The following SLX4 variants were observed in gnomAD, a reference collection of about 807,000 sequenced individuals.
SLX4 encodes the protein SLX4 structure-specific endonuclease subunit, also known as structure-specific endonuclease subunit SLX4.
Under a neutral mutation model 146.2 loss-of-function variants are expected in SLX4, and 112 were observed. That is an observed-to-expected ratio of 0.77 (90% confidence interval 0.66 to 0.90). SLX4 has a LOEUF of 0.90. Among genes scored for constraint, SLX4 ranks in the 40% least tolerant of loss-of-function variants. SLX4 has a pLI of 0.00. For synonymous variants in SLX4, 1,061 were observed against 997.7 expected (o/e 1.06, Z -1.20); for missense variants, 2,563 against 2,392.7 (o/e 1.07, Z -1.49).
intron 3 of SLX4, 117 bp from the exon 4 acceptor site, chr16:3,602,424 G>C: frequency 8.3e-7 from 1 of 1,208,176 alleles, no homozygotes; most frequent in East Asian, 2.3e-5. Context: ...AAAGAAACCA[G>C]AACCCAGCTC....
intron 5 of SLX4, 76 bp downstream of exon 5, chr16:3,600,903 A>G (rs1265424604): frequency 6.6e-7 from 1 of 1,524,388 alleles, no homozygotes; most frequent in Non-Finnish European, 9.0e-7. Flanking sequence ...GCCCATAAAA[A>G]GCTTTTTTAA....
intron 4 of SLX4, 46 bp downstream of exon 4, chr16:3,602,072 T>C (rs1170523152): frequency 6.2e-7 from 1 of 1,612,968 alleles, no homozygotes; most frequent in South Asian, 1.1e-5. Context: ...TGCTTGGGGA[T>C]TCTGGTCACA....
rs1202346259 is a variant in SLX4 at position 3,583,373 on chromosome 16, C to T, written c.4877G>A (p.Cys1626Tyr). The T allele has an allele frequency of 1.2e-6, 2 of 1,613,102 alleles. No homozygotes were observed. The highest frequency in any genetic ancestry group is 2.2e-5 in the South Asian group (2 of 91,058). ...GTAGGTCTGGGAGGCGAGGGTCTGGCAGTGAGGCGCCTGCAACAGCGGCTG... is the reference window on the plus strand; with the variant it reads ...GTAGGTCTGGGAGGCGAGGGTCTGGTAGTGAGGCGCCTGCAACAGCGGCTG... The part of the protein sequence containing the change: ...SSQPLLQAPH[C>Y]QTLASQTYKP... The change falls in exon 14 of 15, where the codon TGC becomes TAC. Residue 1626 changes from cysteine (C) to tyrosine (Y), a missense_variant. Coordinates refer to ENST00000294008, the MANE Select transcript of SLX4 (RefSeq NM_032444.4).
At position 3,590,333 on chromosome 16, in the gene SLX4, T is replaced by C; in HGVS notation, c.3305A>G (p.Glu1102Gly). Residue 1102 changes from glutamate (E) to glycine (G), a missense_variant, in exon 12 of 15, where the codon GAG (glutamate) becomes GGG (glycine). Transcript: ENST00000294008. This position sits in a 1 kb window ranked among gnomAD's most constrained non-coding sequence, Gnocchi z 4.8. ...SKEPGHQKGK[E>G]RRSVLECRNK... ...TCTGCACTCCAGCACGGACCGACGC[T>C]CTTTGCCTTTCTGGTGCCCTGGCTC... 1 of 1,614,194 alleles carries C rather than the reference T, an allele frequency of 6.2e-7. No homozygotes were observed. Among genetic ancestry groups the C allele is most frequent in the Non-Finnish European group, 8.5e-7 (1 of 1,180,032 alleles).
intron 12 of SLX4, 129 bp from the exon 13 acceptor site, chr16:3,585,000 G>A: frequency 1.3e-6 from 1 of 766,456 alleles, no homozygotes; most frequent in Non-Finnish European, 2.3e-6. Context: ...CTCCATGAAA[G>A]CAACAGTGGT....
At chr16:3,596,127 C>T in intron 8 of SLX4, 26 bp downstream of exon 8, 3 of 1,544,162 alleles carry the variant, frequency 1.9e-6, no homozygotes, top group Non-Finnish European at 1.7e-6. Flanking sequence ...GCAGGGCTGG[C>T]CCTAGAGTCC....
intron 3 of SLX4, among the ~76,000 whole-genome samples, chr16:3,606,133 G>A (rs1359104900): frequency 6.6e-6 from 1 of 150,952 alleles, no homozygotes; most frequent in African/African-American, 2.4e-5. Flanking sequence ...GGTGGCACAC[G>A]TCTGTAATCC....
chr16:3,588,025 G>T (rs1343364237), intron 12 of SLX4, among the ~76,000 whole-genome samples: 1 of 152,200 alleles, frequency 6.6e-6, no homozygotes, highest in Non-Finnish European at 1.5e-5. Context: ...CACCTGGGAG[G>T]ACCAGGAAGA....
intron 12 of SLX4, among the ~76,000 whole-genome samples, chr16:3,587,219 G>C (rs1052635596): frequency 8.5e-5 from 13 of 152,170 alleles, no homozygotes; most frequent in Non-Finnish European, 8.8e-5. Flanking sequence ...ATAATAGGCT[G>C]GGCGAGGTGG....
chr16:3,601,110 A>G lies in SLX4; in HGVS notation c.1032T>C (p.Leu344=). The part of the protein sequence containing the change: ...PECPICGKPF[L]TLKSRTSHLK... ...AGTGACTGGTTCTGCTCTTTAAGGT[A>G]AGAAACGGTTTCCCACAAATCGGGC... Residue 344 remains leucine, a synonymous_variant, in exon 5 of 15, where the codon CTT becomes CTC. Coordinates refer to ENST00000294008, the MANE Select transcript of SLX4 (RefSeq NM_032444.4). The G allele has an allele frequency of 6.2e-7, 1 of 1,614,136 alleles. No individual in the cohort carries two copies. Among genetic ancestry groups the G allele is most frequent in the Non-Finnish European group, 8.5e-7 (1 of 1,180,032 alleles).
In SLX4 at chr16:3,609,584, C is replaced by T. The variant is rs2040825730; in HGVS notation, c.-602-18G>A. On this transcript the variant is annotated intron_variant, in intron 1 of 14. Transcript: ENST00000294008. ...TTACACATCTGTGGAAAACCAAAAGCATGTAAGTGTAATCAGACATTGTCA... is the reference window on the plus strand; with the variant it reads ...TTACACATCTGTGGAAAACCAAAAGTATGTAAGTGTAATCAGACATTGTCA... The T allele has an allele frequency of 6.5e-6, 1 of 153,114 alleles. No homozygotes were observed. The highest frequency in any genetic ancestry group is 2.0e-4 in the South Asian group (1 of 4,906). 9.5% of individuals were successfully genotyped at this position (153,114 alleles called of 1,614,324 possible).
Position 3,589,207 on chromosome 16 carries a change from G to A in SLX4, c.4431C>T (p.Pro1477=). The change falls in exon 12 of 15, where the codon CCC becomes CCT. Residue 1477 remains proline, a synonymous_variant. Transcript: ENST00000294008. The surrounding 1 kb of genome is among the most constrained non-coding windows in gnomAD (Gnocchi z 6.2). ...TCTGGGTAGTGCAGCTTCCTCGGAT[G>A]GGGGTGGTGTCCAGGAGTCCCGGGG... is the stretch of plus-strand genomic sequence containing the variant. ...CRSPGLLDTT[P]IRGSCTTQRK... 6.2e-7 allele frequency: 1 copy of A among 1,613,884 alleles called. No individual in the cohort carries two copies. The highest frequency in any genetic ancestry group is 8.5e-7 in the Non-Finnish European group (1 of 1,179,784).
chr16:3,583,314 C>T lies in SLX4; in HGVS notation c.4936G>A (p.Glu1646Lys), dbSNP rs757073761. 2 of 1,614,000 alleles carry T rather than the reference C, an allele frequency of 1.2e-6. No homozygotes were observed. The highest frequency in any genetic ancestry group is 1.3e-5 in the African/African-American group (1 of 74,914). ...PSRAGVHAQQ[E>K]ATTGPGAHRP... is the part of the protein sequence containing the mutation. ...TGGGCCCCAGGTCCTGTGGTGGCCT[C>T]CTGCTGGGCATGGACCCCTGCCCTT... Residue 1646 changes from glutamate to lysine, a missense_variant, in exon 14 of 15, where the codon GAG (glutamate) becomes AAG (lysine). Coordinates refer to ENST00000294008, the MANE Select transcript of SLX4 (RefSeq NM_032444.4).
At chr16:3,593,791 TGAG>T (rs1278167573) in intron 10 of SLX4, among the ~76,000 whole-genome samples, 1 of 152,236 alleles carries the variant, frequency 6.6e-6, no homozygotes, top group African/African-American at 2.4e-5. Flanking sequence ...AACTCATCCC[TGAG>T]GAGATCAATT....
At position 3,597,876 on chromosome 16, in the gene SLX4, C is replaced by G; in HGVS notation, c.1287G>C (p.Arg429=). ...EDLLVAMALS[R]SEMEPGAAVP... ...CAGCCGCACCCGGCTCCATCTCCGA[C>G]CGGGACAGAGCCATGGCCACCAGCA... The change falls in exon 6 of 15, where the codon CGG becomes CGC. Residue 429 remains arginine, a synonymous_variant. Coordinates refer to ENST00000294008, the MANE Select transcript of SLX4 (RefSeq NM_032444.4). The surrounding 1 kb of genome is among the most constrained non-coding windows in gnomAD (Gnocchi z 4.4). The G allele has an allele frequency of 6.2e-7, 1 of 1,614,148 alleles. No homozygotes were observed. The highest frequency in any genetic ancestry group is 8.5e-7 in the Non-Finnish European group (1 of 1,180,030).
chr16:3,596,545 C>T (rs2040661920), intron 7 of SLX4, 152 bp from the exon 8 acceptor site: 6 of 888,240 alleles, frequency 6.8e-6, no homozygotes, highest in Non-Finnish European at 1.0e-5. Context: ...GCTCCAGCCA[C>T]AGCCTGGAGC....
Position 3,594,499 on chromosome 16 carries a change from G to A in SLX4, c.2114C>T (p.Ala705Val), listed in dbSNP as rs1262656321. The change falls in exon 10 of 15, where the codon GCC becomes GTC. Residue 705 changes from alanine to valine, a missense_variant. Physicochemically the swap from Ala to Val is moderately conservative, Grantham distance 64 (BLOSUM62 0). Coordinates refer to ENST00000294008, the MANE Select transcript of SLX4 (RefSeq NM_032444.4). ...FQTDSGEVLY[A>V]HKFVLYARCP... ...TCGGGCATAAAGCACGAACTTGTGG[G>A]CGTAAAGCACCTCCCCGCTGTCCGT... The A allele has an allele frequency of 1.9e-6, 3 of 1,613,986 alleles. No individual in the cohort carries two copies. The highest frequency in any genetic ancestry group is 2.5e-6 in the Non-Finnish European group (3 of 1,180,028).
At chr16:3,585,712 C>A (rs1189532675) in intron 12 of SLX4, among the ~76,000 whole-genome samples, 3 of 150,976 alleles carry the variant, frequency 2.0e-5, no homozygotes, top group African/African-American at 7.3e-5. Context: ...CAAGTCAAAA[C>A]CACAGTGAGA....
Position 3,586,986 on chromosome 16 carries a change from A to G in SLX4, c.4636+2016T>C, listed in dbSNP as rs190555607. Among the ~76,000 whole-genome samples, 133 of 152,316 alleles carry G rather than the reference A, an allele frequency of 8.7e-4. 1 individual carries two copies. Among genetic ancestry groups the G allele is most frequent in the African/African-American group, 3.1e-3 (128 of 41,562 alleles). Reference sequence around the variant, plus strand: ...TGAAATGTCCAGGACAGGCAAATCCATAGAGACAGAAAGGTTCTTGGTTGC... The same window carrying G: ...TGAAATGTCCAGGACAGGCAAATCCGTAGAGACAGAAAGGTTCTTGGTTGC... On this transcript the variant is annotated intron_variant, in intron 12 of 14. Coordinates refer to ENST00000294008, the MANE Select transcript of SLX4 (RefSeq NM_032444.4).
Sources: allele counts gnomAD v4.1 joint callset (sites outside exome capture counted in the v4.1 genomes callset), GRCh38; gene constraint gnomAD v4.1.1; non-coding constraint Gnocchi (gnomAD v3.1); transcripts MANE v1.5; gene names NCBI Gene and HGNC (gene_info 2026-07-23, HGNC 2026-07-21).